CD164: variants seen among roughly 807,000 people sequenced by gnomAD.
The protein encoded by CD164 is sialomucin core protein 24.
In CD164, 11 loss-of-function variants were observed where a neutral mutation model predicts 24.6. The observed-to-expected ratio is 0.45, with a 90% CI of 0.28 to 0.74. The LOEUF is 0.74. Among genes scored for constraint, CD164 ranks in the 30% least tolerant of loss-of-function variants. The probability of loss-of-function intolerance (pLI) is 0.13; values close to 1 mark genes in which losing one functional copy is unlikely to be tolerated. For missense variants in CD164, 295 were observed against 243.7 expected (o/e 1.21, Z -1.40); for synonymous variants, 126 against 100.3 (o/e 1.26, Z -1.53).
At chr6:109,376,617 T>C (rs960949140) in intron 3 of CD164, among the ~76,000 whole-genome samples, 1 of 152,258 alleles carries the variant, frequency 6.6e-6, no homozygotes, top group African/African-American at 2.4e-5. Context: ...ATCAGTCCAC[T>C]GCTTAAGCCA....
At chr6:109,378,704 G>GA (rs1224488746) in intron 2 of CD164, among the ~76,000 whole-genome samples, 1 of 151,992 alleles carries the variant, frequency 6.6e-6, no homozygotes, top group Non-Finnish European at 1.5e-5. Flanking sequence ...ATATAAAGGG[G>GA]AAAGAGTACG....
rs1771592226 is a variant in CD164 at position 109,379,170 on chromosome 6, C to T, written c.259+409G>A. Among the ~76,000 whole-genome samples the T allele has an allele frequency of 2.0e-5, 3 of 152,156 alleles. No individual in the cohort carries two copies. The South Asian group carries it at 6.2e-4, about 31-fold the overall frequency. On this transcript the variant is annotated intron_variant, in intron 2 of 5. Coordinates refer to ENST00000310786, the MANE Select transcript of CD164 (RefSeq NM_006016.6). ...CAGTTTTCAACACAACCTTCACTCA[C>T]AGCTAATTCCAGTGTATTAAAGTAC...
At chr6:109,376,929 A>AGTT (rs776205406) in intron 3 of CD164, among the ~76,000 whole-genome samples, 1 of 152,218 alleles carries the variant, frequency 6.6e-6, no homozygotes, top group Non-Finnish European at 1.5e-5. Context: ...TAAGCCCAGG[A>AGTT]GTTCAAGACC....
chr6:109,369,271 C>T (rs1292729044), intron 5 of CD164, among the ~76,000 whole-genome samples: 2 of 152,174 alleles, frequency 1.3e-5, no homozygotes, highest in Non-Finnish European at 2.9e-5. Flanking sequence ...TCTCCTAGTA[C>T]ATAAATTGTG....
chr6:109,382,401 G>A lies in CD164; in HGVS notation c.-23C>T, dbSNP rs1405619268. 6.7e-7 allele frequency: 1 copy of A among 1,500,984 alleles called. No individual in the cohort carries two copies. The highest frequency in any genetic ancestry group is 1.3e-5 in the South Asian group (1 of 79,810). 93.0% of individuals were successfully genotyped at this position (1,500,984 alleles called of 1,614,324 possible). On this transcript the variant is annotated 5_prime_UTR_variant, in exon 1 of 6. Coordinates refer to ENST00000310786, the MANE Select transcript of CD164 (RefSeq NM_006016.6). ...CATCGTGTCCTCAGCGCTGGCGTTC[G>A]GGAGAAAGCTAAGGCTCGCAACGCT...
At chr6:109,377,435 T>C (rs1001480564) in intron 3 of CD164, among the ~76,000 whole-genome samples, 1 of 152,088 alleles carries the variant, frequency 6.6e-6, no homozygotes, top group Non-Finnish European at 1.5e-5. Flanking sequence ...ATAGTAAAGG[T>C]TAAAAATTAA....
Position 109,377,914 on chromosome 6 carries a change from G to C in CD164, c.317C>G (p.Thr106Arg). Residue 106 changes from threonine to arginine, a missense_variant, in exon 3 of 6, where the codon ACA (threonine) becomes AGA (arginine). Thr to Arg is a moderately conservative substitution (Grantham distance 71). Coordinates refer to ENST00000310786, the MANE Select transcript of CD164 (RefSeq NM_006016.6). The stretch of plus-strand genomic sequence containing the variant: ...TGAATACTTACCGGAACAGAAGTCT[G>C]TCGTGTTCCCCACTTGACAATCACT... ...TVSDCQVGNT[T>R]DFCSVSTATP... 6.2e-7 allele frequency: 1 copy of C among 1,613,156 alleles called. No homozygotes were observed. Among genetic ancestry groups the C allele is most frequent in the Non-Finnish European group, 8.5e-7 (1 of 1,179,232 alleles).
chr6:109,377,414 T>C (rs555696409), intron 3 of CD164, among the ~76,000 whole-genome samples: 1 of 152,262 alleles, frequency 6.6e-6, no homozygotes, highest in Admixed American at 6.5e-5. Flanking sequence ...TTTTAACGTT[T>C]TGCTGGACGA....
intron 3 of CD164, among the ~76,000 whole-genome samples, chr6:109,377,662 T>C (rs1459026872): frequency 1.4e-5 from 2 of 139,712 alleles, no homozygotes; most frequent in Non-Finnish European, 3.1e-5. Context: ...AAAAAAAAAG[T>C]GTGGGGGCAG....
intron 1 of CD164, chr6:109,381,428 A>G (rs981348445): frequency 8.7e-6 from 6 of 686,270 alleles, no homozygotes; most frequent in African/African-American, 7.2e-5. Context: ...ACAATTGAAA[A>G]AAGAATAAAC....
At chr6:109,375,596 G>A (rs1457792517) in intron 4 of CD164, among the ~76,000 whole-genome samples, 9 of 140,186 alleles carry the variant, frequency 6.4e-5, no homozygotes, top group Admixed American at 2.2e-4. Flanking sequence ...CAGCCTGAGC[G>A]GCAGAGCAAG....
At position 109,368,815 on chromosome 6, in the gene CD164, A is replaced by G. The variant is rs761716013; in HGVS notation, c.*36T>C. On this transcript the variant is annotated 3_prime_UTR_variant, in exon 6 of 6. Coordinates refer to ENST00000310786, the MANE Select transcript of CD164 (RefSeq NM_006016.6). ...ATTTTGGCTTCAGTGAGTTACACAA[A>G]TGAATCACCAGTCCTTATTAATTCA... The G allele has an allele frequency of 7.6e-6, 12 of 1,577,880 alleles. No homozygotes were observed. The highest frequency in any genetic ancestry group is 9.4e-6 in the Non-Finnish European group (11 of 1,166,756).
chr6:109,375,455 A>G (rs1180785977), intron 4 of CD164, among the ~76,000 whole-genome samples: 2 of 151,918 alleles, frequency 1.3e-5, no homozygotes, highest in Non-Finnish European at 2.9e-5. Flanking sequence ...TGACTCTACT[A>G]AAAAAACAAA....
chr6:109,373,055 T>A (rs1036673695), intron 4 of CD164, among the ~76,000 whole-genome samples: 14 of 151,920 alleles, frequency 9.2e-5, no homozygotes, highest in East Asian at 3.9e-4. Context: ...TAAAAAAAAA[T>A]AATAATAATC....
At chr6:109,381,627 T>G in intron 1 of CD164, 1 of 701,840 alleles carries the variant, frequency 1.4e-6, no homozygotes, top group East Asian at 2.7e-5. Flanking sequence ...GTCAGCTACA[T>G]TCTATTCCTA....
chr6:109,376,625 C>G (rs1475120067), intron 3 of CD164, among the ~76,000 whole-genome samples: 2 of 152,198 alleles, frequency 1.3e-5, no homozygotes, highest in African/African-American at 2.4e-5. Context: ...ACTGCTTAAG[C>G]CATTGTAATT....
rs551631579 is a variant in CD164, at chr6:109,368,061, T to C, written c.*790A>G. 6.0e-5 allele frequency: 22 copies of C among 365,376 alleles called. 1 individual carries two copies. The East Asian group carries it at 9.4e-4, about 16-fold the overall frequency. 22.6% of individuals were successfully genotyped at this position (365,376 alleles called of 1,614,324 possible). On this transcript the variant is annotated 3_prime_UTR_variant, in exon 6 of 6. Coordinates refer to ENST00000310786, the MANE Select transcript of CD164 (RefSeq NM_006016.6). ...TCTGAAATAAATTTTCAATAAAATA[T>C]TAACAGTATGATATCTAAAACAGGT...
intron 4 of CD164, among the ~76,000 whole-genome samples, chr6:109,374,357 T>C (rs1771277230): frequency 6.6e-6 from 1 of 152,140 alleles, no homozygotes; most frequent in Non-Finnish European, 1.5e-5. Context: ...TCTTCCTCTT[T>C]CTTGCTTACT....
In CD164 at chr6:109,379,999, G is replaced by A. The variant is rs189352902; in HGVS notation, c.176-337C>T. ...AGCATCCTTAATACATAAAAATATC[G>A]AGAAAAAGGCTTTGATATAATACCA... On this transcript the variant is annotated intron_variant, in intron 1 of 5. Coordinates refer to ENST00000310786, the MANE Select transcript of CD164 (RefSeq NM_006016.6). The A allele has an allele frequency of 1.7e-5, 3 of 174,310 alleles. No individual in the cohort carries two copies. In the East Asian group the frequency reaches 4.7e-4, roughly 27 times the overall value. 10.8% of individuals were successfully genotyped at this position (174,310 alleles called of 1,614,324 possible). A position where few individuals can be genotyped will look rare whatever the true frequency, so the allele number is the denominator to read the frequency against.
Sources: allele counts gnomAD v4.1 joint callset (sites outside exome capture counted in the v4.1 genomes callset), GRCh38; gene constraint gnomAD v4.1.1; transcripts MANE v1.5; gene names NCBI Gene and HGNC (gene_info 2026-07-23, HGNC 2026-07-21).